Variants in C2orf66 observed in about 807,000 individuals in gnomAD.
C2orf66 encodes uncharacterized protein C2orf66.
Under a neutral mutation model 7.0 loss-of-function variants are expected in C2orf66, and 6 were observed. That is an observed-to-expected ratio of 0.86 (90% CI 0.47 to 1.69). The LOEUF (loss-of-function observed/expected upper bound fraction) is 1.69, where lower values mean the gene tolerates loss of function less well. Ranked by LOEUF, C2orf66 falls within the 40% of genes most tolerant of loss-of-function variation. C2orf66 has a pLI of 0.01. For missense variants in C2orf66, 107 were observed against 112.0 expected (o/e 0.96, Z 0.20); for synonymous variants, 38 against 43.8 (o/e 0.87, Z 0.52).
At chr2:196,831,764 G>A in the C2orf66 span, among the ~76,000 whole-genome samples, 2 of 152,182 alleles carry the variant, frequency 1.3e-5, no homozygotes, top group Non-Finnish European at 2.9e-5. Flanking sequence ...CTCACTGGCG[G>A]AGTACTATGG....
the C2orf66 span, among the ~76,000 whole-genome samples, chr2:196,817,000 T>C: frequency 6.6e-6 from 1 of 152,006 alleles, no homozygotes; most frequent in Non-Finnish European, 1.5e-5. Context: ...AGCCAGCAAG[T>C]TTTATTAAGG....
At chr2:196,819,990 C>A in the C2orf66 span, among the ~76,000 whole-genome samples, 1 of 152,086 alleles carries the variant, frequency 6.6e-6, no homozygotes, top group African/African-American at 2.4e-5. Flanking sequence ...GAAACTGTGG[C>A]GTATTCATGA....
At chr2:196,823,231 T>C in the C2orf66 span, among the ~76,000 whole-genome samples, 242 of 152,254 alleles carry the variant, frequency 1.6e-3, 1 homozygote, top group African/African-American at 5.3e-3. Context: ...AAGTAAGAAG[T>C]TGCCAAAATG....
upstream of C2orf66, among the ~76,000 whole-genome samples, chr2:196,812,913 G>A (rs1360286036): frequency 1.3e-5 from 2 of 152,170 alleles, no homozygotes. Context: ...ACCAACCACT[G>A]CTCAAGGAAA....
chr2:196,820,480 G>A, the C2orf66 span, among the ~76,000 whole-genome samples: 52 of 152,308 alleles, frequency 3.4e-4, 1 homozygote, highest in African/African-American at 1.1e-3. Context: ...CCCTTCTGAT[G>A]TAGGATAATA....
upstream of C2orf66, among the ~76,000 whole-genome samples, chr2:196,813,237 C>A (rs1002194310): frequency 1.3e-5 from 2 of 152,250 alleles, no homozygotes; most frequent in East Asian, 1.9e-4. Flanking sequence ...AATATATAGA[C>A]CAATGGAACA....
upstream of C2orf66, among the ~76,000 whole-genome samples, chr2:196,811,295 G>T (rs1399109602): frequency 6.6e-6 from 1 of 152,174 alleles, no homozygotes; most frequent in African/African-American, 2.4e-5. Context: ...GATCATACTT[G>T]CATTTTTAAA....
the C2orf66 span, among the ~76,000 whole-genome samples, chr2:196,824,444 A>G: frequency 6.6e-6 from 1 of 152,130 alleles, no homozygotes. Flanking sequence ...TACCTCTTTT[A>G]GTTTTCTTCT....
At chr2:196,817,568 A>G in the C2orf66 span, among the ~76,000 whole-genome samples, 2 of 151,256 alleles carry the variant, frequency 1.3e-5, no homozygotes, top group African/African-American at 2.4e-5. Flanking sequence ...CTTAAACAAC[A>G]GAAAACAGGG....
At chr2:196,817,231 T>C in the C2orf66 span, among the ~76,000 whole-genome samples, 2 of 95,382 alleles carry the variant, frequency 2.1e-5, no homozygotes, top group South Asian at 7.2e-4. Context: ...AAGTATTGTC[T>C]TTTTTTTTTT....
At chr2:196,824,083 C>G in the C2orf66 span, among the ~76,000 whole-genome samples, 3 of 151,924 alleles carry the variant, frequency 2.0e-5, no homozygotes, top group Non-Finnish European at 4.4e-5. Context: ...TTAGTATGGT[C>G]AGAAAAGATT....
At chr2:196,831,314 A>G in the C2orf66 span, among the ~76,000 whole-genome samples, 1 of 152,222 alleles carries the variant, frequency 6.6e-6, no homozygotes, top group Admixed American at 6.5e-5. Context: ...GAAAAGGCCC[A>G]ACCACCAAGG....
the C2orf66 span, among the ~76,000 whole-genome samples, chr2:196,816,981 G>A: frequency 1.3e-5 from 2 of 152,182 alleles, no homozygotes; most frequent in Non-Finnish European, 2.9e-5. Flanking sequence ...ATGCCCACCT[G>A]AGCCTTAAAG....
the C2orf66 span, among the ~76,000 whole-genome samples, chr2:196,822,530 C>T: frequency 1.3e-5 from 2 of 152,202 alleles, no homozygotes; most frequent in African/African-American, 4.8e-5. Context: ...GGTTCCACCA[C>T]ATCCTGACTA....
At chr2:196,820,039 G>C in the C2orf66 span, among the ~76,000 whole-genome samples, 1 of 152,202 alleles carries the variant, frequency 6.6e-6, no homozygotes, top group East Asian at 1.9e-4. Context: ...CTGGATTTGA[G>C]GGGGTGGGGC....
intron 2 of C2orf66, among the ~76,000 whole-genome samples, chr2:196,806,323 A>G (rs969954261): frequency 5.9e-5 from 9 of 151,862 alleles, no homozygotes; most frequent in Non-Finnish European, 1.0e-4. Flanking sequence ...TCAGCCTCCC[A>G]AGTAGCTGGG....
the C2orf66 span, among the ~76,000 whole-genome samples, chr2:196,824,804 A>C: frequency 6.6e-6 from 1 of 152,372 alleles, no homozygotes; most frequent in East Asian, 1.9e-4. Flanking sequence ...ACAGCAAAAG[A>C]AACAATCAAC....
intron 1 of C2orf66, among the ~76,000 whole-genome samples, chr2:196,808,288 A>G (rs1331445207): frequency 6.6e-6 from 1 of 152,222 alleles, no homozygotes; most frequent in African/African-American, 2.4e-5. Context: ...ATATATGCAA[A>G]TTAAGGGATG....
chr2:196,821,252 T>A, the C2orf66 span, among the ~76,000 whole-genome samples: 3 of 152,264 alleles, frequency 2.0e-5, no homozygotes, highest in Admixed American at 1.3e-4. Flanking sequence ...GGCTCAGAGG[T>A]ACTGAATTCA....
Sources: gnomAD v4.1 joint callset for allele counts (sites outside exome capture counted in the v4.1 genomes callset) on GRCh38, gnomAD v4.1.1 for gene constraint, MANE v1.5 for transcripts, NCBI Gene and HGNC (gene_info 2026-07-23, HGNC 2026-07-21) for gene names.